DGKI: variants seen among roughly 807,000 people sequenced by gnomAD.
DGKI encodes DAG kinase iota.
DGKI carries 55 observed loss-of-function variants against 147.5 expected under a neutral mutation model. That is an observed-to-expected ratio of 0.37 (90% CI 0.30 to 0.47). DGKI has a LOEUF of 0.47. Among genes scored for constraint, DGKI ranks in the 20% least tolerant of loss-of-function variants. The probability of loss-of-function intolerance (pLI) is 1.00; values close to 1 mark genes in which losing one functional copy is unlikely to be tolerated. For synonymous variants in DGKI, 469 were observed against 477.1 expected, an observed-to-expected ratio of 0.98 and a Z score of 0.22; for missense variants, 1,007 against 1,323.8, an observed-to-expected ratio of 0.76 and a Z score of 3.71.
At chr7:137,465,807 A>C (rs1390213645) in intron 26 of DGKI, 101 bp downstream of exon 26, 4 of 1,448,214 alleles carry the variant, frequency 2.8e-6, no homozygotes, top group Non-Finnish European at 3.7e-6. Flanking sequence ...TCTACACTTC[A>C]AAATCATTTG....
chr7:137,710,050 T>C (rs905700429), intron 1 of DGKI, among the ~76,000 whole-genome samples: 38 of 151,816 alleles, frequency 2.5e-4, no homozygotes, highest in Admixed American at 2.2e-3. Flanking sequence ...AAATCTAACA[T>C]GTTTATTAGA....
chr7:137,582,587 A>G (rs1160215212), intron 14 of DGKI, among the ~76,000 whole-genome samples: 1 of 152,066 alleles, frequency 6.6e-6, no homozygotes, highest in South Asian at 2.1e-4. Context: ...CATTTAATCT[A>G]TCAACCCTTA....
At chr7:137,455,874 AC>A (rs1233114798) in intron 27 of DGKI, among the ~76,000 whole-genome samples, 1 of 152,168 alleles carries the variant, frequency 6.6e-6, no homozygotes, top group African/African-American at 2.4e-5. Context: ...GTAAGTGATT[AC>A]TGCTCCACAT....
intron 7 of DGKI, among the ~76,000 whole-genome samples, chr7:137,622,054 G>T (rs184068889): frequency 2.7e-4 from 41 of 152,138 alleles, no homozygotes; most frequent in African/African-American, 9.9e-4. Context: ...GAAGTGAAAT[G>T]ATTATTTGTG....
intron 6 of DGKI, among the ~76,000 whole-genome samples, chr7:137,638,478 G>A (rs28599663): frequency 0.059 from 5,187 of 87,534 alleles, 494 homozygotes; most frequent in African/African-American, 0.22. Flanking sequence ...ATATATGTGT[G>A]TATATATATA....
chr7:137,558,968 A>G (rs960345692), intron 19 of DGKI, among the ~76,000 whole-genome samples: 1 of 148,874 alleles, frequency 6.7e-6, no homozygotes, highest in Admixed American at 6.7e-5. Context: ...ATAATTCGAT[A>G]AATTCAGTTT....
intron 21 of DGKI, among the ~76,000 whole-genome samples, chr7:137,501,789 T>C (rs1358848504): frequency 6.6e-6 from 1 of 152,148 alleles, no homozygotes; most frequent in Non-Finnish European, 1.5e-5. Flanking sequence ...TAGGATCACT[T>C]TTCCTGGGCA....
At chr7:137,824,414 G>C (rs1797994611) in intron 1 of DGKI, among the ~76,000 whole-genome samples, 1 of 151,822 alleles carries the variant, frequency 6.6e-6, no homozygotes, top group South Asian at 2.1e-4. Context: ...TACTCGGGAG[G>C]CTGAGGCAGG....
chr7:137,709,331 T>C (rs561126490), intron 1 of DGKI, among the ~76,000 whole-genome samples: 2 of 152,178 alleles, frequency 1.3e-5, no homozygotes, highest in East Asian at 3.9e-4. Context: ...GAGGATACAG[T>C]CAGCATACAG....
chr7:137,597,883 T>A lies in DGKI; in HGVS notation c.1275A>T (p.Pro425=). 1 of 1,613,936 alleles carries A rather than the reference T, an allele frequency of 6.2e-7. No homozygotes were observed. Among genetic ancestry groups the A allele is most frequent in the African/African-American group, 1.3e-5 (1 of 75,052 alleles). ...CACCACAGGCCAGAATTCGCAGATT[T>A]GGTACTTTCCTATACAATTCAAGCC... ...KDALELYRKV[P]NLRILACGGD... Residue 425 remains proline, a synonymous_variant, in exon 12 of 33, where the codon CCA becomes CCT. Coordinates refer to ENST00000614521, the MANE Select transcript of DGKI (RefSeq NM_001321708.2).
intron 20 of DGKI, among the ~76,000 whole-genome samples, chr7:137,551,947 G>T (rs1818058702): frequency 6.6e-6 from 1 of 152,134 alleles, no homozygotes; most frequent in Non-Finnish European, 1.5e-5. Flanking sequence ...GACCAGCTCT[G>T]CCAACCACCC....
chr7:137,565,678 T>A (rs1818559815), intron 19 of DGKI, among the ~76,000 whole-genome samples: 1 of 152,174 alleles, frequency 6.6e-6, no homozygotes, highest in Non-Finnish European at 1.5e-5. Flanking sequence ...AATAATGCTT[T>A]GAACGTCTTG....
chr7:137,796,777 A>G (rs1797046067), intron 1 of DGKI, among the ~76,000 whole-genome samples: 1 of 152,216 alleles, frequency 6.6e-6, no homozygotes. Flanking sequence ...AGAAACAGAA[A>G]AGAATGAAGG....
chr7:137,585,433 T>C (rs2128983033), intron 13 of DGKI, 87 bp from the exon 14 acceptor site: 1 of 1,467,620 alleles, frequency 6.8e-7, no homozygotes, highest in Non-Finnish European at 9.1e-7. Flanking sequence ...AGCCAAGCCG[T>C]TATATTGTTT....
At chr7:137,653,357 G>A (rs1156231366) in intron 5 of DGKI, among the ~76,000 whole-genome samples, 1 of 152,164 alleles carries the variant, frequency 6.6e-6, no homozygotes, top group Non-Finnish European at 1.5e-5. Flanking sequence ...GAACTGCATG[G>A]TATTTCCTCC....
At chr7:137,482,860 C>T (rs1815418938) in intron 23 of DGKI, among the ~76,000 whole-genome samples, 1 of 151,980 alleles carries the variant, frequency 6.6e-6, no homozygotes, top group Non-Finnish European at 1.5e-5. Flanking sequence ...TTTTATCACT[C>T]TTCTTGCGCC....
At chr7:137,397,325 G>C (rs912439546) in intron 31 of DGKI, 52 bp downstream of exon 31, 2 of 1,532,752 alleles carry the variant, frequency 1.3e-6, no homozygotes, top group Admixed American at 3.5e-5. Flanking sequence ...TCTTCTCCCA[G>C]ATATGTTCTG....
At chr7:137,688,310 T>C (rs546094085) in intron 2 of DGKI, among the ~76,000 whole-genome samples, 13 of 152,342 alleles carry the variant, frequency 8.5e-5, no homozygotes, top group Admixed American at 2.0e-4. Context: ...AAATGTTTGA[T>C]GAATTAATGA....
At chr7:137,774,275 T>A (rs1193478511) in intron 1 of DGKI, among the ~76,000 whole-genome samples, 1 of 152,128 alleles carries the variant, frequency 6.6e-6, no homozygotes, top group African/African-American at 2.4e-5. Flanking sequence ...GGGCAATTCA[T>A]GTTAGCTCCT....
Sources: gnomAD v4.1 joint callset for allele counts (sites outside exome capture counted in the v4.1 genomes callset) on GRCh38, gnomAD v4.1.1 for gene constraint, MANE v1.5 for transcripts, NCBI Gene and HGNC (gene_info 2026-07-23, HGNC 2026-07-21) for gene names.